Variants in ZC4H2 observed in about 807,000 individuals in gnomAD.
ZC4H2 encodes zinc finger C4H2 domain-containing protein.
For missense variants in ZC4H2, 137 were observed against 173.9 expected (o/e 0.79, Z 1.19); for synonymous variants, 84 against 66.3 (o/e 1.27, Z -1.30).
At chrX:64,989,534 C>T (rs1178173401) in intron 1 of ZC4H2, among the ~76,000 whole-genome samples, 1 of 111,719 alleles carries the variant, frequency 9.0e-6, no homozygotes, top group Admixed American at 9.5e-5. Context: ...AAAGGAAAAG[C>T]TGATAAAATG....
At chrX:64,931,800 A>G (rs1329937369) in intron 1 of ZC4H2, among the ~76,000 whole-genome samples, 1 of 111,497 alleles carries the variant, frequency 9.0e-6, no homozygotes, top group African/African-American at 3.3e-5. Flanking sequence ...AATGTTCCAT[A>G]CACTGAAAAA....
intron 1 of ZC4H2, among the ~76,000 whole-genome samples, chrX:64,948,344 T>C (rs1301124211): frequency 1.8e-5 from 2 of 111,221 alleles, no homozygotes; most frequent in Non-Finnish European, 3.8e-5. Flanking sequence ...TAAATGGCAA[T>C]ATTGTAGAAA....
intron 1 of ZC4H2, among the ~76,000 whole-genome samples, chrX:64,992,732 T>G (rs1479131386): frequency 9.0e-6 from 1 of 111,478 alleles, no homozygotes; most frequent in East Asian, 2.8e-4. Context: ...TTCCATTCCC[T>G]CTTTTCCTCC....
chrX:64,918,799 G>T (rs777986421), intron 4 of ZC4H2: 3 of 287,189 alleles, frequency 1.0e-5, no homozygotes, highest in Non-Finnish European at 1.8e-5. Flanking sequence ...TTTTAGAATT[G>T]CACTCTAGCA....
At chrX:64,938,140 G>A (rs1175638258) in intron 1 of ZC4H2, among the ~76,000 whole-genome samples, 3 of 112,128 alleles carry the variant, frequency 2.7e-5, no homozygotes. Flanking sequence ...ACTATCATCA[G>A]AGAATACTAT....
chrX:64,954,205 A>T (rs1333676823), intron 1 of ZC4H2, among the ~76,000 whole-genome samples: 1 of 102,109 alleles, frequency 9.8e-6, no homozygotes, highest in Non-Finnish European at 2.0e-5. Context: ...GCATTAGGAG[A>T]TATACCTAAT....
At chrX:64,925,990 C>A (rs963037097) in intron 1 of ZC4H2, among the ~76,000 whole-genome samples, 2 of 111,999 alleles carry the variant, frequency 1.8e-5, no homozygotes, top group African/African-American at 6.5e-5. Flanking sequence ...GGCCAAAACT[C>A]CTTGTTAGGA....
intron 1 of ZC4H2, among the ~76,000 whole-genome samples, chrX:64,950,619 T>C (rs1446333776): frequency 1.8e-5 from 2 of 110,729 alleles, no homozygotes; most frequent in Non-Finnish European, 3.8e-5. Flanking sequence ...TCTTTGTCTC[T>C]TTTGATCTTG....
At chrX:64,951,168 G>A (rs189426389) in intron 1 of ZC4H2, among the ~76,000 whole-genome samples, 9,329 of 111,836 alleles carry the variant, frequency 0.083, 1,036 homozygotes, top group African/African-American at 0.29. Flanking sequence ...AGTATTCCAC[G>A]GTATATATGT....
chrX:64,942,938 CCCA>C (rs1179441617), intron 1 of ZC4H2, among the ~76,000 whole-genome samples: 2 of 112,003 alleles, frequency 1.8e-5, no homozygotes, highest in Admixed American at 9.5e-5. Flanking sequence ...AATTTACACT[CCCA>C]CCAACAGTGT....
At chrX:65,014,866 A>G (rs1052095834) in intron 1 of ZC4H2, among the ~76,000 whole-genome samples, 4 of 111,969 alleles carry the variant, frequency 3.6e-5, no homozygotes, top group Non-Finnish European at 5.6e-5. Context: ...AAAATCACCT[A>G]CAATTTCATA....
chrX:65,031,339 T>G (rs1334720846), intron 1 of ZC4H2, among the ~76,000 whole-genome samples: 1 of 111,906 alleles, frequency 8.9e-6, no homozygotes, highest in Non-Finnish European at 1.9e-5. Flanking sequence ...ATATACTTTT[T>G]CCTTTGCATG....
upstream of ZC4H2, among the ~76,000 whole-genome samples, chrX:64,978,333 T>C (rs1932010414): frequency 8.9e-6 from 1 of 112,148 alleles, no homozygotes; most frequent in African/African-American, 3.2e-5. Context: ...AACCATAAAA[T>C]TCTCCCTGGT....
Position 64,917,621 on chromosome X carries a change from G to A in ZC4H2, c.*162C>T. The A allele has an allele frequency of 1.3e-6, 1 of 767,651 alleles. No homozygotes were observed. Among genetic ancestry groups the A allele is most frequent in the East Asian group, 3.7e-5 (1 of 27,313 alleles). 63.3% of individuals were successfully genotyped at this position (767,651 alleles called of 1,213,427 possible). On this transcript the variant is annotated 3_prime_UTR_variant, in exon 5 of 5. Coordinates refer to ENST00000374839, the MANE Select transcript of ZC4H2 (RefSeq NM_018684.4). The stretch of plus-strand genomic sequence containing the variant: ...TCTTCCTAAACCAGAAATCCCAAGA[G>A]CAGAAAGAAATAGGAGCAAAGTGAG...
At chrX:64,987,028 C>T (rs1294997171) in intron 1 of ZC4H2, among the ~76,000 whole-genome samples, 4 of 106,346 alleles carry the variant, frequency 3.8e-5, no homozygotes, top group Non-Finnish European at 5.8e-5. Context: ...CCCGGGTTCA[C>T]GCCATTCTCT....
intron 1 of ZC4H2, among the ~76,000 whole-genome samples, chrX:65,004,502 G>T (rs920919220): frequency 8.9e-6 from 1 of 111,940 alleles, no homozygotes. Flanking sequence ...CTCAATAGAT[G>T]CAGAAAAGGC....
chrX:64,953,845 G>A (rs991350453), intron 1 of ZC4H2, among the ~76,000 whole-genome samples: 6 of 111,234 alleles, frequency 5.4e-5, no homozygotes, highest in Admixed American at 9.6e-5. Flanking sequence ...TATAAATCAC[G>A]CTGCTATAAA....
intron 1 of ZC4H2, among the ~76,000 whole-genome samples, chrX:64,941,891 T>A (rs1329461915): frequency 8.9e-6 from 1 of 112,383 alleles, no homozygotes; most frequent in African/African-American, 3.2e-5. Flanking sequence ...GGTATCAGAA[T>A]AATGCTGGCC....
chrX:64,952,541 C>A (rs948832787), intron 1 of ZC4H2, among the ~76,000 whole-genome samples: 19 of 110,703 alleles, frequency 1.7e-4, no homozygotes, highest in Non-Finnish European at 3.4e-4. Flanking sequence ...AACAGAGAGC[C>A]AAATCATGAG....
Sources: allele counts gnomAD v4.1 joint callset (sites outside exome capture counted in the v4.1 genomes callset), GRCh38; gene constraint gnomAD v4.1.1; transcripts MANE v1.5; gene names NCBI Gene and HGNC (gene_info 2026-07-23, HGNC 2026-07-21).